ZMAT1: variants seen among roughly 807,000 people sequenced by gnomAD.
The protein encoded by ZMAT1 is zinc finger matrin-type 1.
Under a neutral mutation model 18.5 loss-of-function variants are expected in ZMAT1, and 11 were observed. The observed-to-expected ratio is 0.59, with a 90% CI of 0.37 to 0.98. The LOEUF is 0.98. Ranked by LOEUF, ZMAT1 falls within the 50% of genes least tolerant of loss-of-function variation. The pLI is 0.01. For missense variants in ZMAT1, 525 were observed against 496.2 expected (o/e 1.06, Z -0.55); for synonymous variants, 211 against 176.4 (o/e 1.20, Z -1.55).
chrX:101,898,242 C>T (rs1927969862), intron 2 of ZMAT1, 22 bp from the exon 3 acceptor site: 20 of 1,162,005 alleles, frequency 1.7e-5, no homozygotes, highest in Non-Finnish European at 2.2e-5. Context: ...TATAATATGA[C>T]TTTGTTTATT....
intron 1 of ZMAT1, among the ~76,000 whole-genome samples, chrX:101,904,935 T>TCAAA (rs113082503): frequency 7.1e-4 from 79 of 111,462 alleles, no homozygotes; most frequent in African/African-American, 2.2e-3. Flanking sequence ...AGACACTGTT[T>TCAAA]CAAACAAACA....
chrX:101,892,066 G>A (rs766553195), intron 4 of ZMAT1, among the ~76,000 whole-genome samples: 4 of 111,076 alleles, frequency 3.6e-5, no homozygotes, highest in Non-Finnish European at 7.6e-5. Flanking sequence ...GAAGTGTGAA[G>A]AGAAGGAGTG....
Position 101,925,331 on chromosome X carries a change from A to C in ZMAT1, c.292+6386T>G, listed in dbSNP as rs1017389589. On this transcript the variant is annotated intron_variant, in intron 1 of 5. Transcript: ENST00000651725. ...TGGTGGGAGAAATGAATAAACTCCA[A>C]TTTTCTATAAATAAGAGTGTTTTAC... 2.7e-5 allele frequency among the ~76,000 whole-genome samples: 3 copies of C among 112,297 alleles called. No individual in the cohort carries two copies. In the South Asian group the frequency reaches 1.1e-3, roughly 41 times the overall value.
At chrX:101,910,740 G>GA (rs1928910371) in intron 1 of ZMAT1, among the ~76,000 whole-genome samples, 1 of 110,644 alleles carries the variant, frequency 9.0e-6, no homozygotes, top group Admixed American at 9.6e-5. Flanking sequence ...GGAGACAAAA[G>GA]AAAAAAGAAT....
Position 101,904,224 on chromosome X carries a change from C to T in ZMAT1, c.399G>A (p.Glu133=). ...QFESQRISHY[E]GEKHAQNVSF... ...CCTACTTCCATTATTTTTAACCTAC[C>T]TCATAATGTGAAATTCTTTGTGATT... The change falls in exon 2 of 6, where the codon GAG becomes GAA. Residue 133 remains glutamate, a splice_region_variant and synonymous_variant. Coordinates refer to ENST00000651725, the MANE Select transcript of ZMAT1 (RefSeq NM_001394560.1). 2 of 1,185,497 alleles carry T rather than the reference C, an allele frequency of 1.7e-6. No homozygotes were observed. Among genetic ancestry groups the T allele is most frequent in the Non-Finnish European group, 1.1e-6 (1 of 880,427 alleles).
intron 1 of ZMAT1, among the ~76,000 whole-genome samples, chrX:101,923,839 A>G (rs186754584): frequency 2.4e-4 from 27 of 111,986 alleles, no homozygotes; most frequent in African/African-American, 8.4e-4. Context: ...TAATTAAGAA[A>G]GAAATTAGGA....
intron 4 of ZMAT1, among the ~76,000 whole-genome samples, chrX:101,895,388 G>A (rs948606870): frequency 4.5e-5 from 5 of 110,594 alleles, no homozygotes; most frequent in Non-Finnish European, 9.5e-5. Flanking sequence ...AATTAAGAGG[G>A]GTCATCTAAA....
intron 1 of ZMAT1, among the ~76,000 whole-genome samples, chrX:101,910,647 A>T (rs949310905): frequency 1.2e-4 from 14 of 112,510 alleles, no homozygotes; most frequent in African/African-American, 4.5e-4. Context: ...TGAAGAATGA[A>T]TCAGAGTCCT....
In ZMAT1 at chrX:101,886,628, T is replaced by C. The variant is rs776717742; in HGVS notation, c.776+4A>G. 2 of 1,189,842 alleles carry C rather than the reference T, an allele frequency of 1.7e-6. No individual in the cohort carries two copies. The highest frequency in any genetic ancestry group is 3.0e-5 in the East Asian group (1 of 33,646). On this transcript the variant is annotated splice_donor_region_variant and intron_variant, in intron 5 of 5. Transcript: ENST00000651725. ...CATAGGAAAATTTTGGCAAAAATACTTACTTAATTTGATGTTCACTTCCTT... is the reference window on the plus strand; with the variant it reads ...CATAGGAAAATTTTGGCAAAAATACCTACTTAATTTGATGTTCACTTCCTT...
rs1926683828 is a variant in ZMAT1 at position 101,883,817 on chromosome X, T to A, written c.1781A>T (p.Lys594Ile). The change falls in exon 6 of 6, where the codon AAA becomes ATA. Residue 594 changes from lysine (K) to isoleucine (I), a missense_variant. Lys to Ile is a moderately radical substitution (Grantham distance 102, BLOSUM62 -3). Transcript: ENST00000651725. ...TADHQAGHKR[K>I]HQKRKRHLEE... Reference sequence around the variant, plus strand: ...TAGGTGTCGTTTTCTCTTCTGATGTTTCCGTTTATGACCTGCTTGATGGTC... The same window carrying A: ...TAGGTGTCGTTTTCTCTTCTGATGTATCCGTTTATGACCTGCTTGATGGTC... 1.7e-6 allele frequency: 2 copies of A among 1,210,746 alleles called. No individual in the cohort carries two copies. The highest frequency in any genetic ancestry group is 5.9e-5 in the East Asian group (2 of 33,792).
At chrX:101,920,381 C>T (rs1287192538) in intron 1 of ZMAT1, among the ~76,000 whole-genome samples, 1 of 111,600 alleles carries the variant, frequency 9.0e-6, no homozygotes, top group Non-Finnish European at 1.9e-5. Context: ...AATGTTGTTC[C>T]TGATGCAGGA....
intron 4 of ZMAT1, chrX:101,888,821 G>A (rs750589299): frequency 2.7e-5 from 3 of 111,867 alleles, no homozygotes; most frequent in African/African-American, 6.5e-5. Flanking sequence ...CATGGAAGCC[G>A]AAAGATTGGA....
intron 1 of ZMAT1, among the ~76,000 whole-genome samples, chrX:101,905,208 A>G (rs1265804161): frequency 1.8e-5 from 2 of 112,092 alleles, no homozygotes; most frequent in African/African-American, 6.5e-5. Context: ...ATCATTGTAC[A>G]AACACTAGCC....
At chrX:101,897,123 A>C (rs1208939072) in intron 4 of ZMAT1, among the ~76,000 whole-genome samples, 2 of 109,904 alleles carry the variant, frequency 1.8e-5, no homozygotes, top group African/African-American at 6.6e-5. Context: ...AAAGACGCCA[A>C]GGGGAAGAAG....
intron 1 of ZMAT1, chrX:101,911,580 C>A: frequency 1.7e-6 from 2 of 1,158,081 alleles, no homozygotes; most frequent in South Asian, 3.7e-5. Context: ...CCTATGAATG[C>A]AATGACTGTA....
chrX:101,905,059 A>G (rs112603159), intron 1 of ZMAT1, among the ~76,000 whole-genome samples: 2,086 of 112,424 alleles, frequency 0.019, 35 homozygotes, highest in African/African-American at 0.064. Flanking sequence ...CATTTGTCAC[A>G]GGATTCTCGT....
In ZMAT1 at chrX:101,884,706, A is replaced by G. The variant is rs749196440; in HGVS notation, c.892T>C (p.Cys298Arg). ...QKARGLEAKT[C>R]FRKMEESSLE... ...GAACTCTCTTCCATCTTTCTGAAACAAGTCTTGGCCTCTAGTCCTCTGGCT... is the reference window on the plus strand; with the variant it reads ...GAACTCTCTTCCATCTTTCTGAAACGAGTCTTGGCCTCTAGTCCTCTGGCT... The change falls in exon 6 of 6, where the codon TGT becomes CGT. Residue 298 changes from cysteine (C) to arginine (R), a missense_variant. Transcript: ENST00000651725. 5 of 1,208,785 alleles carry G rather than the reference A, an allele frequency of 4.1e-6. No individual in the cohort carries two copies. Among genetic ancestry groups the G allele is most frequent in the Non-Finnish European group, 5.6e-6 (5 of 894,591 alleles).
In ZMAT1 at chrX:101,931,835, G is replaced by T; in HGVS notation, c.174C>A (p.Cys58Ter). 1 of 786,188 alleles carries T rather than the reference G, an allele frequency of 1.3e-6. No homozygotes were observed. The highest frequency in any genetic ancestry group is 1.5e-6 in the Non-Finnish European group (1 of 662,483). 64.8% of individuals were successfully genotyped at this position (786,188 alleles called of 1,213,427 possible). A position where few individuals can be genotyped will look rare whatever the true frequency, so the allele number is the denominator to read the frequency against. ...CGTCGCCACAGCCACCGGCAGGCGG[G>T]CAGGCAGGGGCGGAGGTGGCGGAGG... ...PASSATSAPA[C>*]PPAGGCGDGG... The change falls in exon 1 of 6, where the codon TGC becomes TGA. Residue 58 changes from cysteine (C) to a stop codon, truncating the protein, a stop_gained. Coordinates refer to ENST00000651725, the MANE Select transcript of ZMAT1 (RefSeq NM_001394560.1). LOFTEE classifies it high-confidence loss of function.
chrX:101,916,604 T>C (rs776948362), intron 1 of ZMAT1, among the ~76,000 whole-genome samples: 2 of 111,346 alleles, frequency 1.8e-5, no homozygotes, highest in East Asian at 5.6e-4. Flanking sequence ...AAAATCTCCA[T>C]AGGACCCAAA....
Sources: gnomAD v4.1 joint callset for allele counts (sites outside exome capture counted in the v4.1 genomes callset) on GRCh38, gnomAD v4.1.1 for gene constraint, MANE v1.5 for transcripts, NCBI Gene and HGNC (gene_info 2026-07-23, HGNC 2026-07-21) for gene names.